The following TSPAN15 variants were observed in gnomAD, a reference collection of about 807,000 sequenced individuals.
TSPAN15 encodes tetraspanin 15, also known as tetraspanin-15.
In TSPAN15, 20 loss-of-function variants were observed where a neutral mutation model predicts 34.5. The observed-to-expected ratio is 0.58, with a 90% CI of 0.41 to 0.84. The LOEUF (loss-of-function observed/expected upper bound fraction) is 0.84, where lower values mean the gene tolerates loss of function less well. Among genes scored for constraint, TSPAN15 ranks in the 40% least tolerant of loss-of-function variants. The pLI, the probability that TSPAN15 is intolerant of heterozygous loss-of-function variation, is 0.00. For missense variants in TSPAN15, 313 were observed against 386.1 expected (o/e 0.81, Z 1.59); for synonymous variants, 155 against 153.9 (o/e 1.01, Z -0.05).
At chr10:69,549,087 T>A in the TSPAN15 span, among the ~76,000 whole-genome samples, 1 of 152,024 alleles carries the variant, frequency 6.6e-6, no homozygotes. Context: ...GATGTAAATT[T>A]GCATTACCCA....
intron 1 of TSPAN15, among the ~76,000 whole-genome samples, chr10:69,453,472 T>G (rs1841018185): frequency 6.6e-6 from 1 of 152,126 alleles, no homozygotes; most frequent in African/African-American, 2.4e-5. Context: ...TGAAAGAGCC[T>G]AAGGTTGATG....
chr10:69,541,643 G>A, the TSPAN15 span, among the ~76,000 whole-genome samples: 51 of 152,344 alleles, frequency 3.3e-4, no homozygotes, highest in Middle Eastern at 3.4e-3. Context: ...GCAGACTTTT[G>A]CCTGGACATC....
chr10:69,454,516 A>T (rs558227371), intron 1 of TSPAN15, among the ~76,000 whole-genome samples: 11 of 100,954 alleles, frequency 1.1e-4, no homozygotes, highest in South Asian at 7.0e-4. Flanking sequence ...GACTCGGTTT[A>T]AAAAAAAAAA....
the TSPAN15 span, among the ~76,000 whole-genome samples, chr10:69,540,639 G>A: frequency 6.6e-6 from 1 of 152,194 alleles, no homozygotes; most frequent in Non-Finnish European, 1.5e-5. Context: ...AGGCCTTGGT[G>A]AGAGTGAAGT....
chr10:69,507,839 A>G (rs560710619), downstream of TSPAN15, among the ~76,000 whole-genome samples: 34 of 150,920 alleles, frequency 2.3e-4, 1 homozygote, highest in South Asian at 6.4e-3. Flanking sequence ...GCCAGAGGTG[A>G]CCACGCCTAT....
At chr10:69,471,470 C>T (rs1467740060) in intron 1 of TSPAN15, among the ~76,000 whole-genome samples, 1 of 152,156 alleles carries the variant, frequency 6.6e-6, no homozygotes, top group Admixed American at 6.5e-5. Flanking sequence ...CCACTCTGCC[C>T]ACTCAGTTTT....
intron 1 of TSPAN15, among the ~76,000 whole-genome samples, chr10:69,466,668 AC>A: frequency 6.6e-6 from 1 of 152,302 alleles, no homozygotes; most frequent in East Asian, 1.9e-4. Context: ...TTTGGGAGAC[AC>A]TGGGAGTTCT....
At chr10:69,547,629 A>C in the TSPAN15 span, among the ~76,000 whole-genome samples, 1 of 152,240 alleles carries the variant, frequency 6.6e-6, no homozygotes, top group Non-Finnish European at 1.5e-5. Flanking sequence ...CAGAAACAGG[A>C]AGTAAATAGA....
intron 3 of TSPAN15, 42 bp from the exon 4 acceptor site, chr10:69,495,552 A>T (rs756868501): frequency 6.9e-7 from 1 of 1,455,422 alleles, no homozygotes; most frequent in Non-Finnish European, 9.7e-7. Context: ...GGACTCCGGG[A>T]GTGTGTGGTT....
At chr10:69,532,468 G>A in the TSPAN15 span, among the ~76,000 whole-genome samples, 1 of 152,158 alleles carries the variant, frequency 6.6e-6, no homozygotes, top group East Asian at 1.9e-4. Flanking sequence ...AGGATAATTG[G>A]CAAGCCGCAT....
At chr10:69,524,640 GAAAAA>G in the TSPAN15 span, among the ~76,000 whole-genome samples, 26 of 114,424 alleles carry the variant, frequency 2.3e-4, 1 homozygote, top group South Asian at 6.0e-3. Context: ...TTGCAAACTA[GAAAAA>G]AAAAAAAAGG....
intron 3 of TSPAN15, among the ~76,000 whole-genome samples, chr10:69,486,589 C>T (rs1468988988): frequency 2.0e-5 from 3 of 152,196 alleles, no homozygotes; most frequent in Non-Finnish European, 4.4e-5. Flanking sequence ...CAGTCATGCA[C>T]CCCTGTGCCC....
At chr10:69,477,887 G>A (rs142487974) in intron 1 of TSPAN15, among the ~76,000 whole-genome samples, 1 of 152,302 alleles carries the variant, frequency 6.6e-6, no homozygotes, top group Non-Finnish European at 1.5e-5. Flanking sequence ...GATGTTTGAG[G>A]GGGTATGTTG....
chr10:69,506,702 G>A lies in TSPAN15; in HGVS notation c.736-127G>A, dbSNP rs779980646. On this transcript the variant is annotated intron_variant, in intron 7 of 7. Coordinates refer to ENST00000373290, the MANE Select transcript of TSPAN15 (RefSeq NM_012339.5). The surrounding 1 kb of genome is among the most constrained non-coding windows in gnomAD (Gnocchi z 4.7). ...GCTGGGAGAAGTCTCTGCTGTGGGT[G>A]TTGCCCAGGTCACACAGGACCATGA... 1.1e-6 allele frequency: 1 copy of A among 923,802 alleles called. No homozygotes were observed. The highest frequency in any genetic ancestry group is 1.6e-6 in the Non-Finnish European group (1 of 607,124). 57.2% of individuals were successfully genotyped at this position (923,802 alleles called of 1,614,324 possible). A position where few individuals can be genotyped will look rare whatever the true frequency, so the allele number is the denominator to read the frequency against.
At chr10:69,532,481 A>T in the TSPAN15 span, among the ~76,000 whole-genome samples, 1 of 152,224 alleles carries the variant, frequency 6.6e-6, no homozygotes, top group Non-Finnish European at 1.5e-5. Context: ...AGCCGCATGT[A>T]GGAGAATGAA....
intron 1 of TSPAN15, among the ~76,000 whole-genome samples, chr10:69,476,482 A>G (rs1385856871): frequency 6.6e-6 from 1 of 151,564 alleles, no homozygotes; most frequent in Non-Finnish European, 1.5e-5. Context: ...GCTTGAGCTC[A>G]GGAGATCGAG....
At position 69,482,911 on chromosome 10, in the gene TSPAN15, T is replaced by G. The variant is rs150709744; in HGVS notation, c.97-780T>G. Among the ~76,000 whole-genome samples the G allele has an allele frequency of 4.5e-3, 687 of 152,288 alleles. 6 individuals are homozygous for G. Among genetic ancestry groups the G allele is most frequent in the African/African-American group, 0.016 (655 of 41,560 alleles). ...ACTGAATGGCTTAAACAATAGACAT[T>G]TATTTTCTCACAGTTCTGGAGGTTA... On this transcript the variant is annotated intron_variant, in intron 1 of 7. Transcript: ENST00000373290.
In TSPAN15 at chr10:69,495,611, C is replaced by G; in HGVS notation, c.375C>G (p.Asn125Lys). 6.2e-7 allele frequency: 1 copy of G among 1,612,910 alleles called. No individual in the cohort carries two copies. The highest frequency in any genetic ancestry group is 8.5e-7 in the Non-Finnish European group (1 of 1,178,878). Residue 125 changes from asparagine to lysine, a missense_variant, in exon 4 of 8, where the codon AAC becomes AAG. Coordinates refer to ENST00000373290, the MANE Select transcript of TSPAN15 (RefSeq NM_012339.5). The part of the protein sequence containing the change: ...TFRNQTIDFL[N>K]DNIRRGIENY... Reference sequence around the variant, plus strand: ...TTGAATAGACCATTGACTTCCTGAACGACAACATTCGAAGAGGAATTGAGA... The same window carrying G: ...TTGAATAGACCATTGACTTCCTGAAGGACAACATTCGAAGAGGAATTGAGA...
chr10:69,520,846 G>A, the TSPAN15 span, among the ~76,000 whole-genome samples: 1,976 of 152,288 alleles, frequency 0.013, 21 homozygotes, highest in Non-Finnish European at 0.021. Context: ...TCTAGAAGTG[G>A]AGTTGCTGGT....
Sources: gnomAD v4.1 joint callset for allele counts (sites outside exome capture counted in the v4.1 genomes callset) on GRCh38, gnomAD v4.1.1 for gene constraint, Gnocchi (gnomAD v3.1) non-coding constraint, MANE v1.5 for transcripts, NCBI Gene and HGNC (gene_info 2026-07-23, HGNC 2026-07-21) for gene names.